Variants in PPP2R5C observed in about 807,000 individuals in gnomAD.
PPP2R5C encodes serine/threonine-protein phosphatase 2A 56 kDa regulatory subunit gamma isoform.
PPP2R5C carries 7 observed loss-of-function variants against 68.9 expected under a neutral mutation model. That is an observed-to-expected ratio of 0.10 (90% confidence interval 0.06 to 0.19). The LOEUF is 0.19. Ranked by LOEUF, PPP2R5C falls within the 10% of genes least tolerant of loss-of-function variation. PPP2R5C has a pLI of 1.00. For missense variants in PPP2R5C, 348 were observed against 641.3 expected, an observed-to-expected ratio of 0.54 and a Z score of 4.94; for synonymous variants, 210 against 222.2, an observed-to-expected ratio of 0.95 and a Z score of 0.49.
rs1016310254 is a variant in PPP2R5C, at chr14:101,797,158, C to T, written c.259+10975C>T. On this transcript the variant is annotated intron_variant, in intron 3 of 14. Transcript: ENST00000328724. The surrounding 1 kb of genome is among the most constrained non-coding windows in gnomAD (Gnocchi z 4.2). ...GGAGCCTCTTAGAAGCGGAATCGTA[C>T]AGTATCTGTCTTTCTGTGCCTGGCT... is the stretch of plus-strand genomic sequence containing the variant. The T allele has an allele frequency of 4.4e-6, 2 of 456,044 alleles. No individual in the cohort carries two copies. The highest frequency in any genetic ancestry group is 8.8e-6 in the Non-Finnish European group (2 of 226,802). 28.2% of individuals were successfully genotyped at this position (456,044 alleles called of 1,614,324 possible). A position where few individuals can be genotyped will look rare whatever the true frequency, so the allele number is the denominator to read the frequency against.
intron 3 of PPP2R5C, chr14:101,796,674 GC>G (rs1385616660): frequency 6.3e-6 from 1 of 158,346 alleles, no homozygotes; most frequent in East Asian, 1.9e-4. Flanking sequence ...CCTCTCCATG[GC>G]CCGGGGCTAC....
intron 13 of PPP2R5C, among the ~76,000 whole-genome samples, chr14:101,919,901 G>A (rs933431586): frequency 3.4e-5 from 5 of 149,178 alleles, no homozygotes; most frequent in African/African-American, 1.0e-4. Context: ...CCTGGGAGGT[G>A]GAGGTTGCAG....
rs760405956 is a variant in PPP2R5C, at chr14:101,837,138, GTGTTT to G, written c.95-19531_95-19527del. Reference sequence around the variant, plus strand: ...CATTTTATAAGTTTTTTTTTGTTTTGTGTTTTGTTTTGTTTTGTTTTTGAGACGGA... The same window carrying G: ...CATTTTATAAGTTTTTTTTTGTTTTGTGTTTTGTTTTGTTTTTGAGACGGA... On this transcript the variant is annotated intron_variant, in intron 1 of 13. Transcript: ENST00000334743. Among the ~76,000 whole-genome samples the G allele has an allele frequency of 6.6e-5, 10 of 151,906 alleles. No homozygotes were observed. In the East Asian group the frequency reaches 1.5e-3, roughly 23 times the overall value.
At chr14:101,922,950 A>C (rs58337996) in intron 13 of PPP2R5C, among the ~76,000 whole-genome samples, 29,765 of 152,228 alleles carry the variant, frequency 0.2, 4,709 homozygotes, top group African/African-American at 0.43. Context: ...ATGTATGCCC[A>C]ATGCCTGGTG....
At chr14:101,765,458 A>G (rs2036802628) in intron 2 of PPP2R5C, 2 of 572,364 alleles carry the variant, frequency 3.5e-6, no homozygotes, top group Non-Finnish European at 6.2e-6. Context: ...GGTGAATTAA[A>G]CCATTATTGC....
intron 1 of PPP2R5C, chr14:101,823,795 G>A: frequency 8.8e-7 from 1 of 1,133,370 alleles, no homozygotes; most frequent in Non-Finnish European, 1.1e-6. Context: ...GCTCTTGCAG[G>A]TTTCTTTATC....
chr14:101,767,102 A>G (rs914501242), intron 2 of PPP2R5C: 1 of 152,206 alleles, frequency 6.6e-6, no homozygotes, highest in Non-Finnish European at 1.5e-5. Flanking sequence ...CTCTTACATA[A>G]TATCTGTTGC....
At chr14:101,909,761 G>T in intron 11 of PPP2R5C, 71 bp downstream of exon 13, 1 of 1,160,828 alleles carries the variant, frequency 8.6e-7, no homozygotes, top group Non-Finnish European at 1.2e-6. Flanking sequence ...CTCTTCCACT[G>T]TTTTGTCCTA....
At chr14:101,897,774 T>A (rs930702706) in intron 8 of PPP2R5C, among the ~76,000 whole-genome samples, 1 of 150,880 alleles carries the variant, frequency 6.6e-6, no homozygotes, top group Non-Finnish European at 1.5e-5. Flanking sequence ...GAGTATTAAC[T>A]ATCACAGAGG....
rs1435914653 is a variant in PPP2R5C at position 101,907,766 on chromosome 14, A to G, written c.1151+1237A>G. ...TTGGGCACCCCTCTGGCTGTGCTGC[A>G]CAGTCACCCTGCTGCCGGCGGACCA... On this transcript the variant is annotated intron_variant, in intron 10 of 13. Coordinates refer to ENST00000334743, the Ensembl canonical transcript of PPP2R5C. Among the ~76,000 whole-genome samples, 5 of 152,216 alleles carry G rather than the reference A, an allele frequency of 3.3e-5. No homozygotes were observed. In the South Asian group the frequency reaches 6.2e-4, roughly 19 times the overall value.
At chr14:101,897,060 C>A (rs898612290) in intron 8 of PPP2R5C, among the ~76,000 whole-genome samples, 1 of 152,100 alleles carries the variant, frequency 6.6e-6, no homozygotes, top group Non-Finnish European at 1.5e-5. Context: ...ACGAGCTGGG[C>A]CCGCCCTGTC....
chr14:101,886,192 A>G (rs1329229074), intron 5 of PPP2R5C, among the ~76,000 whole-genome samples: 2 of 152,044 alleles, frequency 1.3e-5, no homozygotes, highest in East Asian at 3.9e-4. Flanking sequence ...GAGGCGGGAG[A>G]ATGGCGTGAA....
rs903048449 is a variant in PPP2R5C at position 101,825,586 on chromosome 14, C to G, written c.94+15550C>G. Among the ~76,000 whole-genome samples the G allele has an allele frequency of 3.3e-5, 5 of 152,168 alleles. No individual in the cohort carries two copies. Among genetic ancestry groups the G allele is most frequent in the African/African-American group, 1.2e-4 (5 of 41,448 alleles). On this transcript the variant is annotated intron_variant, in intron 1 of 13. Coordinates refer to ENST00000334743, the Ensembl canonical transcript of PPP2R5C. This position sits in a 1 kb window ranked among gnomAD's most constrained non-coding sequence, Gnocchi z 4.0. ...TGCAGGTCAGTCACCACTCCACCTC[C>G]TAGCCAGGGTGTCACTCCAATTCCA...
intron 12 of PPP2R5C, chr14:101,914,453 A>G (rs1009142845): frequency 3.6e-5 from 8 of 224,102 alleles, no homozygotes; most frequent in Non-Finnish European, 7.4e-5. Flanking sequence ...CAAAAAGTCA[A>G]TAATTTTGTG....
intron 1 of PPP2R5C, among the ~76,000 whole-genome samples, chr14:101,834,226 C>T (rs990917394): frequency 2.6e-5 from 4 of 152,200 alleles, no homozygotes; most frequent in Non-Finnish European, 5.9e-5. Context: ...TGTGTGGTTA[C>T]TTGGACTCCA....
chr14:101,845,418 A>G (rs998265195), intron 1 of PPP2R5C, among the ~76,000 whole-genome samples: 3 of 152,040 alleles, frequency 2.0e-5, no homozygotes, highest in Non-Finnish European at 2.9e-5. Context: ...GCCTTTGCCT[A>G]TTTCAGCCTG....
intron 9 of PPP2R5C, among the ~76,000 whole-genome samples, chr14:101,903,191 C>T (rs2045809644): frequency 6.6e-6 from 1 of 151,964 alleles, no homozygotes; most frequent in Admixed American, 6.6e-5. Flanking sequence ...GACTGGCAGT[C>T]GTGGGAAGTG....
chr14:101,829,316 A>C (rs749351628), intron 1 of PPP2R5C, among the ~76,000 whole-genome samples: 39 of 152,154 alleles, frequency 2.6e-4, no homozygotes, highest in African/African-American at 9.4e-4. Context: ...TTCTGAGTAC[A>C]ACATCTTTTT....
At chr14:101,885,863 A>G (rs978659567) in intron 5 of PPP2R5C, among the ~76,000 whole-genome samples, 2 of 152,260 alleles carry the variant, frequency 1.3e-5, no homozygotes, top group African/African-American at 4.8e-5. Context: ...CAACAGGTAC[A>G]ATTTAAATTT....
Sources: allele counts gnomAD v4.1 joint callset (sites outside exome capture counted in the v4.1 genomes callset), GRCh38; gene constraint gnomAD v4.1.1; non-coding constraint Gnocchi (gnomAD v3.1); transcripts MANE v1.5; gene names NCBI Gene and HGNC (gene_info 2026-07-23, HGNC 2026-07-21).